Variants in BPTF observed in about 807,000 individuals in gnomAD.
BPTF encodes the protein bromodomain PHD finger transcription factor, also known as nucleosome-remodeling factor subunit BPTF.
Under a neutral mutation model 292.5 loss-of-function variants are expected in BPTF, and 18 were observed. The ratio of observed to expected loss-of-function variants is 0.06; its 90% CI spans 0.04 to 0.09. The LOEUF is 0.09. BPTF is among the 10% of genes least tolerant of loss of function. The pLI, the probability that BPTF is intolerant of heterozygous loss-of-function variation, is 1.00. For synonymous variants in BPTF, 1,225 were observed against 1,251.9 expected, an observed-to-expected ratio of 0.98 and a Z score of 0.45; for missense variants, 2,726 against 3,498.7, an observed-to-expected ratio of 0.78 and a Z score of 5.57.
At chr17:67,980,826 T>C (rs2070258432) in intron 27 of BPTF, among the ~76,000 whole-genome samples, 1 of 152,212 alleles carries the variant, frequency 6.6e-6, no homozygotes, top group East Asian at 1.9e-4. Flanking sequence ...TTAAAGCACA[T>C]GGGAGCTGAA....
intron 4 of BPTF, among the ~76,000 whole-genome samples, chr17:67,887,686 T>C (rs2060833987): frequency 6.6e-6 from 1 of 152,224 alleles, no homozygotes; most frequent in Admixed American, 6.5e-5. Flanking sequence ...TTTAATTAGC[T>C]CATGTAGTTG....
At chr17:67,892,174 A>G (rs1388421507) in intron 5 of BPTF, 140 bp downstream of exon 5, 1 of 677,118 alleles carries the variant, frequency 1.5e-6, no homozygotes, top group Admixed American at 3.6e-5. Context: ...CCGAAACTGT[A>G]GTAGTTAACA....
At chr17:67,837,564 C>T (rs1021712043) in intron 1 of BPTF, among the ~76,000 whole-genome samples, 3 of 152,086 alleles carry the variant, frequency 2.0e-5, no homozygotes, top group African/African-American at 2.4e-5. Flanking sequence ...GACGCCACCA[C>T]GCCTGGCTAA....
chr17:67,965,002 A>AC (rs2067931991), intron 25 of BPTF: 1 of 148,806 alleles, frequency 6.7e-6, no homozygotes, highest in Non-Finnish European at 1.5e-5. Context: ...CCATCGCAAA[A>AC]AAAAAAAAAA....
At chr17:67,878,841 C>T (rs2060204979) in intron 4 of BPTF, among the ~76,000 whole-genome samples, 1 of 152,122 alleles carries the variant, frequency 6.6e-6, no homozygotes, top group Admixed American at 6.6e-5. Flanking sequence ...TGACTAGAAG[C>T]AGAAGTATCT....
intron 3 of BPTF, among the ~76,000 whole-genome samples, chr17:67,872,378 GATGT>G (rs2059794207): frequency 6.6e-6 from 1 of 152,092 alleles, no homozygotes; most frequent in Non-Finnish European, 1.5e-5. Flanking sequence ...AAGTAGGGAG[GATGT>G]ACAATGATTT....
chr17:67,897,951 GAAAAT>G (rs1191033669), intron 7 of BPTF, among the ~76,000 whole-genome samples: 1 of 152,064 alleles, frequency 6.6e-6, no homozygotes, highest in Non-Finnish European at 1.5e-5. Context: ...TAAGAAATCT[GAAAAT>G]ATTGGTATGC....
chr17:67,846,919 C>G (rs1387373962), intron 1 of BPTF, among the ~76,000 whole-genome samples: 1 of 151,938 alleles, frequency 6.6e-6, no homozygotes, highest in Admixed American at 6.6e-5. Context: ...CAGGCTGGTC[C>G]TAAACTCCGG....
In BPTF at chr17:67,906,715, A is replaced by G. The variant is rs1390283292; in HGVS notation, c.2812+1875A>G. Among the ~76,000 whole-genome samples, 3 of 152,164 alleles carry G rather than the reference A, an allele frequency of 2.0e-5. No individual in the cohort carries two copies. The East Asian group carries it at 5.8e-4, about 29-fold the overall frequency. Reference sequence around the variant, plus strand: ...AATCATTCATTTAAATTAAAAATAGATATATTTTTTATATCTATTTTCTCA... The same window carrying G: ...AATCATTCATTTAAATTAAAAATAGGTATATTTTTTATATCTATTTTCTCA... On this transcript the variant is annotated intron_variant, in intron 9 of 27. Transcript: ENST00000306378.
At position 67,912,616 on chromosome 17, in the gene BPTF, G is replaced by A; in HGVS notation, c.4732G>A (p.Glu1578Lys). The stretch of plus-strand genomic sequence containing the variant: ...CAACAAAAATGAAAATGTCAATGGA[G>A]AATCTAAAAGAAAAACCGTCATCAC... ...PINKNENVNG[E>K]SKRKTVITEV... is the part of the protein sequence containing the mutation. The change falls in exon 11 of 28, where the codon GAA becomes AAA. Residue 1578 changes from glutamate to lysine, a missense_variant. This residue lies in a region of BPTF where 144 missense variants were observed against 177.2 expected (regional missense o/e 0.81). Coordinates refer to ENST00000306378, the MANE Select transcript of BPTF (RefSeq NM_182641.4). The A allele has an allele frequency of 6.2e-7, 1 of 1,613,104 alleles. No individual in the cohort carries two copies. Among genetic ancestry groups the A allele is most frequent in the Non-Finnish European group, 8.5e-7 (1 of 1,179,828 alleles).
At chr17:67,860,417 T>C (rs1254183753) in intron 2 of BPTF, among the ~76,000 whole-genome samples, 9 of 152,368 alleles carry the variant, frequency 5.9e-5, no homozygotes, top group African/African-American at 2.2e-4. Flanking sequence ...TTAAGTTTTC[T>C]GTTATTGCTT....
intron 25 of BPTF, among the ~76,000 whole-genome samples, chr17:67,964,847 A>G (rs1284268666): frequency 2.6e-5 from 4 of 151,590 alleles, no homozygotes; most frequent in African/African-American, 7.3e-5. Flanking sequence ...AAAATACAAA[A>G]AATTAGCTGG....
chr17:67,912,082 C>G lies in BPTF; in HGVS notation c.4198C>G (p.Gln1400Glu). Residue 1400 changes from glutamine to glutamate, a missense_variant, in exon 11 of 28, where the codon CAG becomes GAG. This residue lies in a region of BPTF where 713 missense variants were observed against 714.9 expected (regional missense o/e 1.00). Coordinates refer to ENST00000306378, the MANE Select transcript of BPTF (RefSeq NM_182641.4). ...AAATCGAGAGTCTGAAAAGAAAGGACAGAGAACAAGTACATTTCAAATAAA... is the reference window on the plus strand; with the variant it reads ...AAATCGAGAGTCTGAAAAGAAAGGAGAGAGAACAAGTACATTTCAAATAAA... ...NENRESEKKG[Q>E]RTSTFQINGK... is the part of the protein sequence containing the mutation. 3.1e-6 allele frequency: 5 copies of G among 1,609,656 alleles called. No homozygotes were observed. Among genetic ancestry groups the G allele is most frequent in the Non-Finnish European group, 4.2e-6 (5 of 1,178,622 alleles).
chr17:67,866,774 A>C, intron 3 of BPTF, 87 bp downstream of exon 3: 2 of 1,059,824 alleles, frequency 1.9e-6, no homozygotes, highest in Non-Finnish European at 2.8e-6. Context: ...AAAATAGATT[A>C]AAATTTTCAA....
chr17:67,960,025 C>G (rs557343386), intron 24 of BPTF, 150 bp downstream of exon 24: 1 of 627,282 alleles, frequency 1.6e-6, no homozygotes, highest in South Asian at 2.8e-5. Context: ...ATGTGATATT[C>G]TTACCATTGA....
chr17:67,952,054 C>CA (rs56099409), intron 23 of BPTF, among the ~76,000 whole-genome samples: 5,195 of 71,338 alleles, frequency 0.073, 509 homozygotes, highest in Middle Eastern at 0.14. Context: ...GACTCTGTCT[C>CA]AAAAAAAAAA....
intron 4 of BPTF, among the ~76,000 whole-genome samples, chr17:67,883,172 C>T (rs1016750875): frequency 6.6e-6 from 1 of 151,576 alleles, no homozygotes. Flanking sequence ...CAAAATTAGC[C>T]GGGCGTGATG....
At chr17:67,913,247 AGAATATCTCATTTTTAAAAAAT>A in intron 11 of BPTF, 60 bp downstream of exon 11, 1 of 1,493,230 alleles carries the variant, frequency 6.7e-7, no homozygotes, top group Non-Finnish European at 9.0e-7. Context: ...TTATCTCACA[AGAATATCTCATTTTTAAAAAAT>A]GAGATAATAG....
chr17:67,963,594 G>T (rs2067718127), intron 24 of BPTF: 2 of 1,248,412 alleles, frequency 1.6e-6, no homozygotes, highest in Non-Finnish European at 2.0e-6. Context: ...ATAAAAAGCA[G>T]ATTTTTTTCT....
Sources: gnomAD v4.1 joint callset for allele counts (sites outside exome capture counted in the v4.1 genomes callset) on GRCh38, gnomAD v4.1.1 for gene constraint, gnomAD v4.1.1 regional missense constraint, MANE v1.5 for transcripts, NCBI Gene and HGNC (gene_info 2026-07-23, HGNC 2026-07-21) for gene names.